Variants in ZBED3 observed in about 807,000 individuals in gnomAD.
ZBED3 encodes the protein zinc finger BED domain-containing protein 3.
For missense variants in ZBED3, 388 were observed against 362.9 expected, an observed-to-expected ratio of 1.07 and a Z score of -0.56; for synonymous variants, 175 against 180.0, an observed-to-expected ratio of 0.97 and a Z score of 0.22.
At chr5:77,077,920 A>G (rs773931672) in intron 2 of ZBED3, 25 bp from the exon 3 acceptor site, 91 of 1,241,282 alleles carry the variant, frequency 7.3e-5, no homozygotes, top group Non-Finnish European at 9.1e-5. Flanking sequence ...AAGAATAATA[A>G]TGAGTGTTAG....
In ZBED3 at chr5:77,075,944, CATATAT is replaced by C. The variant is rs1159328230; in HGVS notation, c.*1224_*1229del. ...CCTAGAACTTAAAGTATTATATATACATATATATATATATATATATATGTATATGTA... is the reference window on the plus strand; with the variant it reads ...CCTAGAACTTAAAGTATTATATATACATATATATATATATATGTATATGTA... On this transcript the variant is annotated 3_prime_UTR_variant, in exon 3 of 3. Transcript: ENST00000255198. 17 of 23,440 alleles carry C rather than the reference CATATAT, an allele frequency of 7.3e-4. 6 individuals are homozygous for C. The highest frequency in any genetic ancestry group is 1.4e-3 in the Admixed American group (2 of 1,476). 1.5% of individuals were successfully genotyped at this position (23,440 alleles called of 1,614,324 possible).
rs1455851499 is a variant in ZBED3 at position 77,087,098 on chromosome 5, A to C, written c.-153+13T>G. ...AGCCCGCCTCGCCACCGAGTCTGGA[A>C]GCCCACACTCACCCCTTTACCCGGG... On this transcript the variant is annotated intron_variant, in intron 1 of 2. Coordinates refer to ENST00000255198, the MANE Select transcript of ZBED3 (RefSeq NM_032367.4). The C allele has an allele frequency of 1.3e-5, 2 of 152,278 alleles. No homozygotes were observed. Among genetic ancestry groups the C allele is most frequent in the African/African-American group, 4.8e-5 (2 of 41,444 alleles). 9.4% of individuals were successfully genotyped at this position (152,278 alleles called of 1,614,324 possible).
rs1207892671 is a variant in ZBED3 at position 77,081,941 on chromosome 5, G to T, written c.-152-3213C>A. 2.6e-5 allele frequency among the ~76,000 whole-genome samples: 4 copies of T among 152,100 alleles called. No individual in the cohort carries two copies. In the East Asian group the frequency reaches 7.7e-4, roughly 29 times the overall value. On this transcript the variant is annotated intron_variant, in intron 1 of 2. Transcript: ENST00000255198. The stretch of plus-strand genomic sequence containing the variant: ...GATGCTTCCAACAATTCTGATACCT[G>T]TGTGATAGGGCCAGCTGCAATTTCT...
At chr5:77,079,871 C>A (rs566188101) in intron 1 of ZBED3, among the ~76,000 whole-genome samples, 29 of 152,178 alleles carry the variant, frequency 1.9e-4, no homozygotes, top group Non-Finnish European at 4.0e-4. Flanking sequence ...ATTATGGTTG[C>A]TAAACAGAGT....
chr5:77,079,809 C>T (rs1318316133), intron 1 of ZBED3, among the ~76,000 whole-genome samples: 2 of 152,166 alleles, frequency 1.3e-5, no homozygotes, highest in African/African-American at 4.8e-5. Flanking sequence ...GAGTTACAGA[C>T]CACCTTCAAG....
intron 2 of ZBED3, among the ~76,000 whole-genome samples, chr5:77,078,259 A>AACG (rs202170333): frequency 6.6e-6 from 1 of 152,176 alleles, no homozygotes; most frequent in Non-Finnish European, 1.5e-5. Context: ...TAATAACAAC[A>AACG]ACGACAACAA....
chr5:77,081,463 C>G, intron 1 of ZBED3, among the ~76,000 whole-genome samples: 1 of 152,022 alleles, frequency 6.6e-6, no homozygotes, highest in African/African-American at 2.4e-5. Context: ...GATCCTCCCA[C>G]CTCAGCCTCC....
chr5:77,075,973 GTA>G lies in ZBED3; in HGVS notation c.*1199_*1200del, dbSNP rs1450837746. The G allele has an allele frequency of 1.4e-3, 28 of 19,924 alleles. 8 individuals are homozygous for G. Among genetic ancestry groups the G allele is most frequent in the Admixed American group, 3.1e-3 (4 of 1,284 alleles). 1.2% of individuals were successfully genotyped at this position (19,924 alleles called of 1,614,324 possible). A position where few individuals can be genotyped will look rare whatever the true frequency, so the allele number is the denominator to read the frequency against. ...TATATATATATATATATATGTATAT[GTA>G]TATATGTATATATATATGTATATAT... On this transcript the variant is annotated 3_prime_UTR_variant, in exon 3 of 3. Transcript: ENST00000255198.
At chr5:77,086,988 G>C (rs1161844107) in intron 1 of ZBED3, 123 bp downstream of exon 1, 1 of 152,226 alleles carries the variant, frequency 6.6e-6, no homozygotes, top group Admixed American at 6.5e-5. Context: ...GCAGCCCAGC[G>C]AAGGGCACGC....
At position 77,074,441 on chromosome 5, in the gene ZBED3, G is replaced by T. The variant is rs1055825047; in HGVS notation, c.*2733C>A. ...TGTAGAAATAGACTTAGCAGAGCAG[G>T]CGCCCAGCATTCAGCGAGACCACAG... On this transcript the variant is annotated 3_prime_UTR_variant, in exon 3 of 3. Coordinates refer to ENST00000255198, the MANE Select transcript of ZBED3 (RefSeq NM_032367.4). 1 of 152,186 alleles carries T rather than the reference G, an allele frequency of 6.6e-6. No individual in the cohort carries two copies. The highest frequency in any genetic ancestry group is 2.4e-5 in the African/African-American group (1 of 41,428). 9.4% of individuals were successfully genotyped at this position (152,186 alleles called of 1,614,324 possible).
chr5:77,077,778 G>A lies in ZBED3; in HGVS notation c.101C>T (p.Thr34Met). The stretch of plus-strand genomic sequence containing the variant: ...CCCCAGGCGGCCGGGAGGCGTCGGC[G>A]TCGGCGCCGGCCCCAGTCCCGGACA... ...GQCPGLGPAPTPTPPGRLGAP... is the reference protein window; with the variant it reads ...GQCPGLGPAPMPTPPGRLGAP... The change falls in exon 3 of 3, where the codon ACG becomes ATG. Residue 34 changes from threonine (T) to methionine (M), a missense_variant. Transcript: ENST00000255198. The A allele has an allele frequency of 2.3e-6, 3 of 1,314,482 alleles. No homozygotes were observed. Among genetic ancestry groups the A allele is most frequent in the Non-Finnish European group, 2.9e-6 (3 of 1,035,766 alleles). 81.4% of individuals were successfully genotyped at this position (1,314,482 alleles called of 1,614,324 possible).
Position 77,075,077 on chromosome 5 carries a change from A to C in ZBED3, c.*2097T>G, listed in dbSNP as rs1742949980. On this transcript the variant is annotated 3_prime_UTR_variant, in exon 3 of 3. Coordinates refer to ENST00000255198, the MANE Select transcript of ZBED3 (RefSeq NM_032367.4). ...GAGGGGTGGAGACATGCAGCAAGGGATTGGGCATGAAGGTTTTCTCCAGGC... is the reference window on the plus strand; with the variant it reads ...GAGGGGTGGAGACATGCAGCAAGGGCTTGGGCATGAAGGTTTTCTCCAGGC... 1 of 152,120 alleles carries C rather than the reference A, an allele frequency of 6.6e-6. No individual in the cohort carries two copies. The highest frequency in any genetic ancestry group is 1.5e-5 in the Non-Finnish European group (1 of 68,030). The allele number at this position is 152,120 out of a possible 1,614,324, so 9.4% of individuals were successfully genotyped here.
At chr5:77,080,631 C>T in intron 1 of ZBED3, 2 of 517,238 alleles carry the variant, frequency 3.9e-6, no homozygotes, top group South Asian at 1.4e-5. Flanking sequence ...GCTGAGTGAC[C>T]AGCAGTCTAT....
chr5:77,077,909 G>A lies in ZBED3; in HGVS notation c.-17-14C>T. On this transcript the variant is annotated splice_polypyrimidine_tract_variant and intron_variant, in intron 2 of 2. Coordinates refer to ENST00000255198, the MANE Select transcript of ZBED3 (RefSeq NM_032367.4). ...GGCGCCCGCACGCTGGGGAGCAGGG[G>A]AAGAATAATAATGAGTGTTAGGATC... 2 of 1,247,570 alleles carry A rather than the reference G, an allele frequency of 1.6e-6. No homozygotes were observed. The highest frequency in any genetic ancestry group is 6.8e-5 in the South Asian group (2 of 29,476). The allele number at this position is 1,247,570 out of a possible 1,614,324, so 77.3% of individuals were successfully genotyped here. A position where few individuals can be genotyped will look rare whatever the true frequency, so the allele number is the denominator to read the frequency against.
chr5:77,076,116 C>G lies in ZBED3; in HGVS notation c.*1058G>C, dbSNP rs1051073614. On this transcript the variant is annotated 3_prime_UTR_variant, in exon 3 of 3. Coordinates refer to ENST00000255198, the MANE Select transcript of ZBED3 (RefSeq NM_032367.4). ...CTGACCCAGAGTGAGGGAGTAAAAA[C>G]TGGGGAGGAAGGATAGGCAGCCAGG... The G allele has an allele frequency of 1.4e-5, 2 of 147,096 alleles. No individual in the cohort carries two copies. The highest frequency in any genetic ancestry group is 2.2e-4 in the South Asian group (1 of 4,646). 9.1% of individuals were successfully genotyped at this position (147,096 alleles called of 1,614,324 possible). A position where few individuals can be genotyped will look rare whatever the true frequency, so the allele number is the denominator to read the frequency against.
chr5:77,086,095 A>T (rs530436400), intron 1 of ZBED3, among the ~76,000 whole-genome samples: 3 of 152,220 alleles, frequency 2.0e-5, no homozygotes, highest in Admixed American at 6.5e-5. Context: ...CTGCCCTTAA[A>T]GTGGACCTTT....
rs1742919705 is a variant in ZBED3, at chr5:77,073,432, G to A, written c.*3742C>T. 6.6e-6 allele frequency: 1 copy of A among 152,038 alleles called. No individual in the cohort carries two copies. Among genetic ancestry groups the A allele is most frequent in the Admixed American group, 6.5e-5 (1 of 15,270 alleles). The allele number at this position is 152,038 out of a possible 1,614,324, so 9.4% of individuals were successfully genotyped here. On this transcript the variant is annotated 3_prime_UTR_variant, in exon 3 of 3. Transcript: ENST00000255198. ...TTCCAATACTTGAAAATAACTTAGAGTAATATAAAAATTGCAAAAGACAAA... is the reference window on the plus strand; with the variant it reads ...TTCCAATACTTGAAAATAACTTAGAATAATATAAAAATTGCAAAAGACAAA...
At chr5:77,079,248 T>C (rs975747103) in intron 1 of ZBED3, 1 of 152,186 alleles carries the variant, frequency 6.6e-6, no homozygotes, top group African/African-American at 2.4e-5. Context: ...TCTGAGAACT[T>C]AGGGAGAAAA....
chr5:77,081,932 C>T (rs1033849324), intron 1 of ZBED3, among the ~76,000 whole-genome samples: 2 of 152,004 alleles, frequency 1.3e-5, no homozygotes, highest in Non-Finnish European at 2.9e-5. Context: ...TCCAACAATT[C>T]TGATACCTGT....
Sources: allele counts gnomAD v4.1 joint callset (sites outside exome capture counted in the v4.1 genomes callset), GRCh38; gene constraint gnomAD v4.1.1; transcripts MANE v1.5; gene names NCBI Gene and HGNC (gene_info 2026-07-23, HGNC 2026-07-21).